The following SLC8A1 variants were observed in gnomAD, a reference collection of about 807,000 sequenced individuals.
The protein encoded by SLC8A1 is solute carrier family 8 member A1.
Under a neutral mutation model 68.3 loss-of-function variants are expected in SLC8A1, and 18 were observed. That is an observed-to-expected ratio of 0.26 (90% confidence interval 0.18 to 0.39). The LOEUF (loss-of-function observed/expected upper bound fraction) is 0.39. SLC8A1 is among the 10% of genes least tolerant of loss of function. The pLI is 1.00. For missense variants in SLC8A1, 985 were observed against 1,156.7 expected, an observed-to-expected ratio of 0.85 and a Z score of 2.15; for synonymous variants, 475 against 415.5, an observed-to-expected ratio of 1.14 and a Z score of -1.74.
chr2:40,466,396 A>T (rs1430572537), intron 1 of SLC8A1, among the ~76,000 whole-genome samples: 1 of 152,200 alleles, frequency 6.6e-6, no homozygotes, highest in Non-Finnish European at 1.5e-5. Context: ...CACAGGGGCT[A>T]CACTCAAGCA....
chr2:40,339,662 A>C (rs1427080314), intron 2 of SLC8A1, among the ~76,000 whole-genome samples: 1 of 152,234 alleles, frequency 6.6e-6, no homozygotes, highest in Non-Finnish European at 1.5e-5. Flanking sequence ...AATATCACCA[A>C]TGAATGTCTC....
At chr2:40,357,482 G>A (rs1673042815) in intron 2 of SLC8A1, among the ~76,000 whole-genome samples, 1 of 132,688 alleles carries the variant, frequency 7.5e-6, no homozygotes, top group African/African-American at 2.8e-5. Context: ...GGGCAACAGA[G>A]CCAGACCCTG....
chr2:40,167,935 T>G (rs2148493381), intron 4 of SLC8A1, among the ~76,000 whole-genome samples: 1 of 152,326 alleles, frequency 6.6e-6, no homozygotes, highest in Non-Finnish European at 1.5e-5. Flanking sequence ...TGAACCATCC[T>G]TGTATCCTCT....
intron 2 of SLC8A1, among the ~76,000 whole-genome samples, chr2:40,413,297 G>A (rs1011165236): frequency 2.0e-5 from 3 of 152,104 alleles, no homozygotes; most frequent in African/African-American, 4.8e-5. Context: ...AAAGACACAT[G>A]CACACATATG....
At chr2:40,268,042 T>C (rs1313757066) in intron 2 of SLC8A1, among the ~76,000 whole-genome samples, 1 of 152,214 alleles carries the variant, frequency 6.6e-6, no homozygotes, top group African/African-American at 2.4e-5. Flanking sequence ...ACACATTTTA[T>C]CACATTTAAT....
At chr2:40,439,887 C>G (rs1700160162) in intron 1 of SLC8A1, among the ~76,000 whole-genome samples, 2 of 152,108 alleles carry the variant, frequency 1.3e-5, no homozygotes, top group Non-Finnish European at 2.9e-5. Context: ...GTGTTGTATG[C>G]TACAATTTTC....
At chr2:40,456,238 C>A (rs910465141), upstream of SLC8A1, among the ~76,000 whole-genome samples, 3 of 151,332 alleles carry the variant, frequency 2.0e-5, no homozygotes, top group Non-Finnish European at 4.4e-5. Context: ...ATGGCGTGAA[C>A]CCAGGAGGCG....
rs149106637 is a variant in SLC8A1 at position 40,377,286 on chromosome 2, C to CA, written c.1808+51186dup. On this transcript the variant is annotated intron_variant, in intron 2 of 7. Transcript: ENST00000406785. ...ATGGATTCGAGAAAGTGAATTTTGC[C>CA]AAAAACCACATGAGTTTTGAAGAGG... 2.8e-3 allele frequency among the ~76,000 whole-genome samples: 420 copies of CA among 152,034 alleles called. 2 individuals are homozygous for CA. The highest frequency in any genetic ancestry group is 9.5e-3 in the African/African-American group (395 of 41,516).
intron 2 of SLC8A1, among the ~76,000 whole-genome samples, chr2:40,217,563 G>A (rs1227466031): frequency 6.6e-6 from 1 of 152,148 alleles, no homozygotes; most frequent in Admixed American, 6.5e-5. Context: ...CACAATAGAT[G>A]TCATCTTTTG....
chr2:40,099,791 A>G (rs1242038593), exon 8 of SLC8A1: 4 of 152,056 alleles, frequency 2.6e-5, no homozygotes. Context: ...AGTGGGAAAC[A>G]CAATTGCCAT....
intron 3 of SLC8A1, among the ~76,000 whole-genome samples, chr2:40,175,748 C>T (rs1026296048): frequency 6.6e-5 from 10 of 152,042 alleles, no homozygotes; most frequent in African/African-American, 2.4e-4. Flanking sequence ...AGGTATCACA[C>T]CTTTTATTCA....
At chr2:40,226,226 T>C (rs998980621) in intron 2 of SLC8A1, among the ~76,000 whole-genome samples, 23 of 152,260 alleles carry the variant, frequency 1.5e-4, no homozygotes, top group Admixed American at 8.5e-4. Context: ...GTTCCATTAT[T>C]GCAATGTAAT....
chr2:40,117,582 CAAAT>C (rs988390742), intron 7 of SLC8A1, among the ~76,000 whole-genome samples: 8 of 149,474 alleles, frequency 5.4e-5, no homozygotes, highest in Non-Finnish European at 1.0e-4. Context: ...AAAAAAAAAT[CAAAT>C]AAAGTCCTTT....
intron 2 of SLC8A1, among the ~76,000 whole-genome samples, chr2:40,411,609 C>G (rs1446323299): frequency 6.6e-6 from 1 of 151,572 alleles, no homozygotes; most frequent in African/African-American, 2.4e-5. Flanking sequence ...AAAACAAAAA[C>G]AATGTCAAAA....
At chr2:40,436,210 A>G (rs944258813) in intron 1 of SLC8A1, among the ~76,000 whole-genome samples, 7 of 152,200 alleles carry the variant, frequency 4.6e-5, no homozygotes, top group African/African-American at 1.7e-4. Flanking sequence ...TTCCTAGAGC[A>G]CAGCCTGGCA....
At chr2:40,154,819 C>T (rs1158341315) in intron 6 of SLC8A1, among the ~76,000 whole-genome samples, 3 of 152,014 alleles carry the variant, frequency 2.0e-5, no homozygotes, top group African/African-American at 7.2e-5. Context: ...CATGCACTAT[C>T]ACACCCGGCT....
At chr2:40,475,477 A>C (rs572919760) in intron 1 of SLC8A1, among the ~76,000 whole-genome samples, 15 of 152,200 alleles carry the variant, frequency 9.9e-5, no homozygotes, top group Non-Finnish European at 1.6e-4. Context: ...TTATATAGAT[A>C]ATATCTGTAG....
chr2:40,342,520 C>T (rs945636787), intron 2 of SLC8A1, among the ~76,000 whole-genome samples: 18 of 152,038 alleles, frequency 1.2e-4, no homozygotes, highest in Middle Eastern at 3.4e-3. Context: ...GAAAGATGGA[C>T]GAGTAAGTAG....
chr2:40,324,444 T>G (rs1276608696), intron 2 of SLC8A1, among the ~76,000 whole-genome samples: 1 of 152,160 alleles, frequency 6.6e-6, no homozygotes. Flanking sequence ...GTTGTACACT[T>G]AAACAGGATC....
Sources: allele counts gnomAD v4.1 joint callset (sites outside exome capture counted in the v4.1 genomes callset), GRCh38; gene constraint gnomAD v4.1.1; transcripts MANE v1.5; gene names NCBI Gene and HGNC (gene_info 2026-07-23, HGNC 2026-07-21).